Variants in IQCN observed in about 807,000 individuals in gnomAD.
IQCN encodes the protein IQ motif containing N.
IQCN carries 46 observed loss-of-function variants against 64.4 expected under a neutral mutation model. The ratio of observed to expected loss-of-function variants is 0.71; its 90% CI spans 0.56 to 0.91. The LOEUF is 0.91. Among genes scored for constraint, IQCN ranks in the 40% least tolerant of loss-of-function variants. IQCN has a pLI of 0.00. For synonymous variants in IQCN, 733 were observed against 775.6 expected (o/e 0.95, Z 0.91); for missense variants, 1,753 against 1,857.4 (o/e 0.94, Z 1.03).
chr19:18,270,262 G>A (rs1437056886), intron 1 of IQCN, among the ~76,000 whole-genome samples: 1 of 151,444 alleles, frequency 6.6e-6, no homozygotes, highest in Non-Finnish European at 1.5e-5. Context: ...TCAGGAGGCT[G>A]AGGCAGGAGA....
chr19:18,273,219 T>C (rs1431506540), intron 1 of IQCN, among the ~76,000 whole-genome samples: 6 of 150,618 alleles, frequency 4.0e-5, no homozygotes, highest in Admixed American at 6.6e-5. Flanking sequence ...TTTAGTAGAG[T>C]TGGGGTTTCG....
At chr19:18,263,588 G>A (rs1969477930) in intron 3 of IQCN, among the ~76,000 whole-genome samples, 1 of 152,118 alleles carries the variant, frequency 6.6e-6, no homozygotes, top group Admixed American at 6.5e-5. Context: ...AGGGACTTGG[G>A]GCCCCCTTGT....
intron 3 of IQCN, among the ~76,000 whole-genome samples, chr19:18,262,816 C>T (rs1333730683): frequency 6.6e-6 from 1 of 152,180 alleles, no homozygotes; most frequent in East Asian, 1.9e-4. Flanking sequence ...GCCTGGGACA[C>T]AATTGGGGCC....
chr19:18,264,157 G>A lies in IQCN; in HGVS notation c.3177+206C>T, dbSNP rs769789920. Among the ~76,000 whole-genome samples, 11 of 152,200 alleles carry A rather than the reference G, an allele frequency of 7.2e-5. No individual in the cohort carries two copies. The highest frequency in any genetic ancestry group is 6.2e-4 in the South Asian group (3 of 4,830). ...TCCCTGCTGGACTCCATCATCTCCCGGGACAGCATGGGATACAGGCCAGTG... is the reference window on the plus strand; with the variant it reads ...TCCCTGCTGGACTCCATCATCTCCCAGGACAGCATGGGATACAGGCCAGTG... On this transcript the variant is annotated intron_variant, in intron 3 of 3. Transcript: ENST00000392413. The surrounding 1 kb of genome is among the most constrained non-coding windows in gnomAD (Gnocchi z 4.3).
intron 3 of IQCN, among the ~76,000 whole-genome samples, chr19:18,263,983 G>A (rs1969485323): frequency 1.3e-5 from 2 of 152,198 alleles, no homozygotes; most frequent in South Asian, 4.1e-4. Context: ...CACAGACTCG[G>A]GGGTGGCTGC....
intron 1 of IQCN, among the ~76,000 whole-genome samples, chr19:18,272,831 C>G (rs560434461): frequency 3.3e-5 from 5 of 150,852 alleles, no homozygotes; most frequent in African/African-American, 1.2e-4. Flanking sequence ...AGGATGGTCT[C>G]CATCTCCTGA....
Position 18,257,136 on chromosome 19 carries a change from C to A in IQCN, c.*44G>T, listed in dbSNP as rs376396040. ...ACTTTATTCATTAGACCCAGAGAGC[C>A]ATGAGTGCCTCCCACGAAGTCCCCA... On this transcript the variant is annotated 3_prime_UTR_variant, in exon 4 of 4. Transcript: ENST00000392413. The A allele has an allele frequency of 1.5e-5, 24 of 1,586,898 alleles. No individual in the cohort carries two copies. In the African/African-American group the frequency reaches 2.8e-4, roughly 19 times the overall value.
intron 3 of IQCN, chr19:18,258,382 G>A (rs1222376980): frequency 3.0e-6 from 2 of 669,290 alleles, no homozygotes; most frequent in South Asian, 1.5e-5. Flanking sequence ...GCCTGGGATG[G>A]TTGTCTTTGC....
chr19:18,257,108 A>G lies in IQCN; in HGVS notation c.*72T>C, dbSNP rs1969309452. On this transcript the variant is annotated 3_prime_UTR_variant, in exon 4 of 4. Transcript: ENST00000392413. Reference sequence around the variant, plus strand: ...ACATCACCCAAGATCTAGGCTGTGGAGGACTTTATTCATTAGACCCAGAGA... The same window carrying G: ...ACATCACCCAAGATCTAGGCTGTGGGGGACTTTATTCATTAGACCCAGAGA... 3 of 1,467,020 alleles carry G rather than the reference A, an allele frequency of 2.0e-6. No homozygotes were observed. The highest frequency in any genetic ancestry group is 2.8e-5 in the African/African-American group (2 of 71,868). The allele number at this position is 1,467,020 out of a possible 1,614,324, so 90.9% of individuals were successfully genotyped here.
intron 3 of IQCN, 149 bp from the exon 4 acceptor site, chr19:18,258,255 C>G: frequency 1.2e-6 from 1 of 848,564 alleles, no homozygotes; most frequent in Non-Finnish European, 1.9e-6. Flanking sequence ...AGACACCCTC[C>G]GAACTCCCGG....
chr19:18,265,546 G>A lies in IQCN; in HGVS notation c.1994C>T (p.Pro665Leu). 1 of 1,611,970 alleles carries A rather than the reference G, an allele frequency of 6.2e-7. No homozygotes were observed. Among genetic ancestry groups the A allele is most frequent in the South Asian group, 1.1e-5 (1 of 90,966 alleles). The change falls in exon 3 of 4, where the codon CCA (proline) becomes CTA (leucine). Residue 665 changes from proline to leucine, a missense_variant. Coordinates refer to ENST00000392413, the MANE Select transcript of IQCN (RefSeq NM_001145304.2). This position sits in a 1 kb window ranked among gnomAD's most constrained non-coding sequence, Gnocchi z 4.7. ...TCTCTGGGATGAGGCATTGGTCAGT[G>A]GGGCAGCCAGCTGTCCCCGGGGCAG... ...VTLPRGQLAA[P>L]LTNASSQRHP...
At chr19:18,268,171 CCT>C (rs927540100) in intron 2 of IQCN, among the ~76,000 whole-genome samples, 9 of 80,284 alleles carry the variant, frequency 1.1e-4, no homozygotes, top group South Asian at 4.9e-4. Flanking sequence ...TTCCTGTTTG[CCT>C]CTGTGTGTGT....
In IQCN at chr19:18,273,487, C is replaced by T. The variant is rs187482519; in HGVS notation, c.-110+916G>A. On this transcript the variant is annotated intron_variant, in intron 1 of 3. Transcript: ENST00000392413. ...AAATAGCTAGGATTACAGGCATGCGCCACCACACCTAATTTCGTATTTTTA... is the reference window on the plus strand; with the variant it reads ...AAATAGCTAGGATTACAGGCATGCGTCACCACACCTAATTTCGTATTTTTA... Among the ~76,000 whole-genome samples, 34 of 152,310 alleles carry T rather than the reference C, an allele frequency of 2.2e-4. No homozygotes were observed. In the East Asian group the frequency reaches 6.2e-3, roughly 28 times the overall value.
In IQCN at chr19:18,267,045, A is replaced by G. The variant is rs755211588; in HGVS notation, c.495T>C (p.Tyr165=). ...GGAAGCGCACCTGCTGTGGGGCGTG[A>G]TAAGGTATGTCCCCCTCCTCCGCCC... The part of the protein sequence containing the change: ...KTRAEEGDIP[Y]HAPQQVRFQH... Residue 165 remains tyrosine (Y), a synonymous_variant, in exon 3 of 4, where the codon TAT becomes TAC. Coordinates refer to ENST00000392413, the MANE Select transcript of IQCN (RefSeq NM_001145304.2). 29 of 1,614,122 alleles carry G rather than the reference A, an allele frequency of 1.8e-5. No individual in the cohort carries two copies. The highest frequency in any genetic ancestry group is 1.0e-4 in the Admixed American group (6 of 60,002).
Position 18,264,849 on chromosome 19 carries a change from C to CA in IQCN, c.2690dup (p.Leu898ValfsTer48). The CA allele has an allele frequency of 6.3e-7, 1 of 1,594,478 alleles. No homozygotes were observed. Among genetic ancestry groups the CA allele is most frequent in the African/African-American group, 1.3e-5 (1 of 74,614 alleles). ...CTCCCTGGGAGAGGGCTTTGGCCAA[C>CA]AGAGTGCGGAGATCCTCCTGGGATG... is the stretch of plus-strand genomic sequence containing the variant. On this transcript the variant is annotated frameshift_variant, in exon 3 of 4. Coordinates refer to ENST00000392413, the MANE Select transcript of IQCN (RefSeq NM_001145304.2). LOFTEE classifies it high-confidence loss of function. This position sits in a 1 kb window ranked among gnomAD's most constrained non-coding sequence, Gnocchi z 4.3.
rs1456799221 is a variant in IQCN at position 18,266,970 on chromosome 19, C to T, written c.570G>A (p.Lys190=). The change falls in exon 3 of 4, where the codon AAG becomes AAA. Residue 190 remains lysine, a synonymous_variant. Transcript: ENST00000392413. The surrounding 1 kb of genome is among the most constrained non-coding windows in gnomAD (Gnocchi z 4.3). ...RLLSPPIMVN[K]ETQFPSCDNL... ...TGTCACAGGAAGGGAACTGGGTCTCCTTGTTCACCATGATGGGCGGGGACA... is the reference window on the plus strand; with the variant it reads ...TGTCACAGGAAGGGAACTGGGTCTCTTTGTTCACCATGATGGGCGGGGACA... 6.2e-7 allele frequency: 1 copy of T among 1,613,828 alleles called. No homozygotes were observed. Among genetic ancestry groups the T allele is most frequent in the Non-Finnish European group, 8.5e-7 (1 of 1,179,758 alleles).
chr19:18,257,394 G>A lies in IQCN; in HGVS notation c.3890C>T (p.Pro1297Leu), dbSNP rs780752844. 11 of 1,610,928 alleles carry A rather than the reference G, an allele frequency of 6.8e-6. No individual in the cohort carries two copies. Among genetic ancestry groups the A allele is most frequent in the East Asian group, 2.2e-5 (1 of 44,854 alleles). Residue 1297 changes from proline (P) to leucine (L), a missense_variant, in exon 4 of 4, where the codon CCG becomes CTG. Transcript: ENST00000392413. ...YQLAALSPRQ[P>L]HRQDKAATAI... ...TGTGGCCGCTTTGTCCTGGCGATGC[G>A]GCTGCCTGGGACTCAGGGCAGCCAG... is the stretch of plus-strand genomic sequence containing the variant.
At position 18,258,118 on chromosome 19, in the gene IQCN, T is replaced by C; in HGVS notation, c.3178-12A>G. 1 of 1,606,914 alleles carries C rather than the reference T, an allele frequency of 6.2e-7. No homozygotes were observed. The highest frequency in any genetic ancestry group is 1.7e-5 in the Admixed American group (1 of 60,016). ...GCGTCCGCGGGGCCCTGGAGTATAG[T>C]GGAGTTCAGGGATGCCTTGTGACTA... On this transcript the variant is annotated splice_polypyrimidine_tract_variant and intron_variant, in intron 3 of 3. Transcript: ENST00000392413.
intron 1 of IQCN, among the ~76,000 whole-genome samples, chr19:18,270,932 G>A (rs984949350): frequency 6.6e-5 from 10 of 151,938 alleles, no homozygotes; most frequent in African/African-American, 1.2e-4. Flanking sequence ...CCAGCACTTC[G>A]GGAGGCCAAG....
Sources: allele counts gnomAD v4.1 joint callset (sites outside exome capture counted in the v4.1 genomes callset), GRCh38; gene constraint gnomAD v4.1.1; non-coding constraint Gnocchi (gnomAD v3.1); transcripts MANE v1.5; gene names NCBI Gene and HGNC (gene_info 2026-07-23, HGNC 2026-07-21).